LRP1B: variants seen among roughly 807,000 people sequenced by gnomAD.
LRP1B encodes low-density lipoprotein receptor-related protein 1B.
LRP1B carries 217 observed loss-of-function variants against 556.6 expected under a neutral mutation model. That is an observed-to-expected ratio of 0.39 (90% CI 0.35 to 0.44). LRP1B has a LOEUF of 0.44. LRP1B is among the 20% of genes least tolerant of loss of function. The probability of loss-of-function intolerance (pLI) is 1.00; values close to 1 mark genes in which losing one functional copy is unlikely to be tolerated. For synonymous variants in LRP1B, 2,047 were observed against 1,865.8 expected (o/e 1.10, Z -2.50); for missense variants, 5,053 against 5,620.8 (o/e 0.90, Z 3.23).
At chr2:141,064,501 T>TG (rs1385844162) in intron 7 of LRP1B, among the ~76,000 whole-genome samples, 5 of 152,064 alleles carry the variant, frequency 3.3e-5, no homozygotes, top group African/African-American at 1.2e-4. Context: ...CTGCTAAGCA[T>TG]GAAAAAAAGC....
At chr2:142,063,305 A>C (rs7558803) in intron 1 of LRP1B, among the ~76,000 whole-genome samples, 65,545 of 151,330 alleles carry the variant, frequency 0.43, 16,055 homozygotes, top group East Asian at 0.68. Flanking sequence ...GACAGATGGA[A>C]GTGGTATGAA....
intron 41 of LRP1B, among the ~76,000 whole-genome samples, chr2:140,635,605 C>T (rs1354172819): frequency 2.6e-5 from 4 of 151,968 alleles, no homozygotes; most frequent in Non-Finnish European, 4.4e-5. Context: ...TATCTTTCCA[C>T]TGACGGGAAT....
intron 3 of LRP1B, among the ~76,000 whole-genome samples, chr2:141,324,414 G>A (rs776130180): frequency 6.6e-6 from 1 of 152,060 alleles, no homozygotes; most frequent in Non-Finnish European, 1.5e-5. Flanking sequence ...TTTTGCTCCT[G>A]TCATGTTATT....
chr2:140,963,493 G>A (rs954613399), intron 18 of LRP1B, among the ~76,000 whole-genome samples: 4 of 152,000 alleles, frequency 2.6e-5, no homozygotes, highest in Non-Finnish European at 4.4e-5. Flanking sequence ...TGCTGCTGAA[G>A]TCTCTAAATA....
At chr2:141,017,804 G>A (rs1030469898) in intron 12 of LRP1B, among the ~76,000 whole-genome samples, 5 of 151,696 alleles carry the variant, frequency 3.3e-5, no homozygotes, top group Non-Finnish European at 5.9e-5. Context: ...AGACCAGCCT[G>A]AGCAACATGG....
At chr2:140,532,412 G>A (rs1054293896) in intron 47 of LRP1B, among the ~76,000 whole-genome samples, 2 of 151,478 alleles carry the variant, frequency 1.3e-5, no homozygotes, top group African/African-American at 4.9e-5. Context: ...TTTGGGGGGT[G>A]GGGGGTATGG....
intron 2 of LRP1B, among the ~76,000 whole-genome samples, chr2:141,583,952 A>ATGGTCTTGATCTCCTGATC (rs745407252): frequency 6.6e-6 from 1 of 151,094 alleles, no homozygotes; most frequent in Non-Finnish European, 1.5e-5. Context: ...GTTAGCCAGG[A>ATGGTCTTGATCTCCTGATC]TGGTCTTGAT....
intron 1 of LRP1B, among the ~76,000 whole-genome samples, chr2:142,094,003 T>C (rs1436502824): frequency 6.6e-6 from 1 of 152,050 alleles, no homozygotes; most frequent in Non-Finnish European, 1.5e-5. Context: ...AAGATCAAGG[T>C]GCCAGCAGAT....
intron 77 of LRP1B, among the ~76,000 whole-genome samples, chr2:140,349,871 A>AAT: frequency 6.6e-6 from 1 of 152,174 alleles, no homozygotes; most frequent in Non-Finnish European, 1.5e-5. Flanking sequence ...TGAAAGCTAA[A>AAT]ATAGCTTCTT....
intron 3 of LRP1B, among the ~76,000 whole-genome samples, chr2:141,429,529 G>T (rs1680489959): frequency 6.6e-6 from 1 of 152,098 alleles, no homozygotes; most frequent in African/African-American, 2.4e-5. Context: ...AGATGTGCAG[G>T]TTTGTTACAT....
At chr2:141,339,976 C>T (rs1687998391) in intron 3 of LRP1B, among the ~76,000 whole-genome samples, 1 of 152,090 alleles carries the variant, frequency 6.6e-6, no homozygotes, top group African/African-American at 2.4e-5. Context: ...TCTCATTCTC[C>T]TCTATATGTC....
chr2:140,472,768 T>G (rs539470865), intron 60 of LRP1B, among the ~76,000 whole-genome samples: 1 of 152,184 alleles, frequency 6.6e-6, no homozygotes, highest in African/African-American at 2.4e-5. Flanking sequence ...ACCCAACTTT[T>G]TAAACCATAA....
chr2:140,408,245 T>A (rs1442705560), intron 66 of LRP1B, among the ~76,000 whole-genome samples: 2 of 152,036 alleles, frequency 1.3e-5, no homozygotes, highest in Middle Eastern at 3.4e-3. Flanking sequence ...GCTTGGGTGA[T>A]GAGTGCACTA....
chr2:141,004,915 G>A (rs1697524556), intron 15 of LRP1B, among the ~76,000 whole-genome samples: 1 of 151,978 alleles, frequency 6.6e-6, no homozygotes, highest in Admixed American at 6.6e-5. Context: ...TTCTTTACAA[G>A]TCTTTTTCCC....
chr2:141,241,077 C>T (rs1004661666), intron 5 of LRP1B, among the ~76,000 whole-genome samples: 1 of 151,918 alleles, frequency 6.6e-6, no homozygotes, highest in Non-Finnish European at 1.5e-5. Context: ...ATTTTGTACC[C>T]CAGCACTGAC....
chr2:140,781,193 C>T (rs1689686565), intron 32 of LRP1B, among the ~76,000 whole-genome samples: 1 of 152,140 alleles, frequency 6.6e-6, no homozygotes, highest in South Asian at 2.1e-4. Flanking sequence ...GGAGCTTGTG[C>T]TCATCAAGGA....
chr2:141,684,453 G>A (rs539591693), intron 2 of LRP1B, among the ~76,000 whole-genome samples: 28 of 152,048 alleles, frequency 1.8e-4, no homozygotes, highest in Admixed American at 4.6e-4. Flanking sequence ...AGGGCCTGCC[G>A]GGGGGTGGGG....
chr2:141,707,215 G>A (rs191941738), intron 2 of LRP1B, among the ~76,000 whole-genome samples: 78 of 151,952 alleles, frequency 5.1e-4, no homozygotes, highest in African/African-American at 1.7e-3. Flanking sequence ...CCTTATATAC[G>A]CCATTACCAG....
chr2:141,006,684 A>T (rs1403770332), intron 14 of LRP1B, among the ~76,000 whole-genome samples: 1 of 152,002 alleles, frequency 6.6e-6, no homozygotes, highest in Non-Finnish European at 1.5e-5. Flanking sequence ...TCTTTAAAAC[A>T]TGTTTAAGTG....
Sources: gnomAD v4.1 joint callset for allele counts (sites outside exome capture counted in the v4.1 genomes callset) on GRCh38, gnomAD v4.1.1 for gene constraint, MANE v1.5 for transcripts, NCBI Gene and HGNC (gene_info 2026-07-23, HGNC 2026-07-21) for gene names.